Variants in CDH13 observed in about 807,000 individuals in gnomAD.
The protein encoded by CDH13 is cadherin-13.
A neutral mutation model predicts 63.8 loss-of-function variants in CDH13; 24 were observed. That is an observed-to-expected ratio of 0.38 (90% CI 0.27 to 0.53). CDH13 has a LOEUF of 0.53. CDH13 is among the 20% of genes least tolerant of loss of function. The pLI is 0.85. For synonymous variants in CDH13, 503 were observed against 355.3 expected, an observed-to-expected ratio of 1.42 and a Z score of -4.67; for missense variants, 1,049 against 903.1, an observed-to-expected ratio of 1.16 and a Z score of -2.07.
intron 1 of CDH13, among the ~76,000 whole-genome samples, chr16:82,715,972 T>C (rs1158508190): frequency 6.6e-6 from 1 of 152,228 alleles, no homozygotes; most frequent in African/African-American, 2.4e-5. Flanking sequence ...CATGTGTCAC[T>C]ACTGGGTGTT....
At position 83,125,349 on chromosome 16, in the gene CDH13, G is replaced by A. The variant is rs566530071; in HGVS notation, c.367-36G>A. On this transcript the variant is annotated intron_variant, in intron 3 of 13. Coordinates refer to ENST00000567109, the MANE Select transcript of CDH13 (RefSeq NM_001257.5). ...AGCAGACTGATACATCATTTCAATG[G>A]GAGATTTTAATCAATCCTTTTGTTT... is the stretch of plus-strand genomic sequence containing the variant. 3.2e-5 allele frequency: 36 copies of A among 1,119,330 alleles called. No homozygotes were observed. In the South Asian group the frequency reaches 4.0e-4, roughly 12 times the overall value. 69.3% of individuals were successfully genotyped at this position (1,119,330 alleles called of 1,614,324 possible). A position where few individuals can be genotyped will look rare whatever the true frequency, so the allele number is the denominator to read the frequency against.
At chr16:83,440,701 C>A (rs562695444) in intron 6 of CDH13, among the ~76,000 whole-genome samples, 3 of 149,386 alleles carry the variant, frequency 2.0e-5, no homozygotes, top group African/African-American at 7.3e-5. Context: ...AGGAGAATTG[C>A]TTGAACCTGG....
At chr16:83,462,184 G>T (rs12445788) in intron 6 of CDH13, among the ~76,000 whole-genome samples, 2 of 152,044 alleles carry the variant, frequency 1.3e-5, no homozygotes, top group Non-Finnish European at 2.9e-5. Context: ...GCAGCCATGA[G>T]CCCCTGCAGG....
intron 3 of CDH13, among the ~76,000 whole-genome samples, chr16:83,078,582 C>T (rs1311646321): frequency 6.6e-6 from 1 of 152,216 alleles, no homozygotes; most frequent in Non-Finnish European, 1.5e-5. Flanking sequence ...AGGTTCCTAA[C>T]AGGCCACAGA....
chr16:82,750,483 C>G (rs566673916), intron 1 of CDH13, among the ~76,000 whole-genome samples: 1 of 152,268 alleles, frequency 6.6e-6, no homozygotes, highest in Admixed American at 6.5e-5. Context: ...AATTCTTCCT[C>G]CCTTTGCCCA....
rs571942456 is a variant in CDH13 at position 83,005,211 on chromosome 16, A to C, written c.158-26799A>C. Among the ~76,000 whole-genome samples the C allele has an allele frequency of 3.0e-4, 46 of 152,216 alleles. 1 individual carries two copies. In the South Asian group the frequency reaches 8.9e-3, roughly 30 times the overall value. The stretch of plus-strand genomic sequence containing the variant: ...TGCCAGGGCTTTAACCGGTGGCTCT[A>C]CCCTTCACAGCTGGACATTGCTGGA... On this transcript the variant is annotated intron_variant, in intron 2 of 13. Transcript: ENST00000567109.
rs2151160007 is a variant in CDH13, at chr16:82,801,134, T to A, written c.46-57228T>A. 2.0e-5 allele frequency among the ~76,000 whole-genome samples: 3 copies of A among 152,260 alleles called. No homozygotes were observed. The South Asian group carries it at 6.2e-4, about 32-fold the overall frequency. On this transcript the variant is annotated intron_variant, in intron 1 of 13. Transcript: ENST00000567109. ...GTTTGTTCTTAAGAAACAGAAAGTG[T>A]CCAAATCCCACTTGGCTTCCTAACC...
chr16:83,054,367 C>G (rs2030703655), intron 3 of CDH13, among the ~76,000 whole-genome samples: 2 of 152,172 alleles, frequency 1.3e-5, no homozygotes, highest in South Asian at 4.1e-4. Flanking sequence ...CATCACTAAT[C>G]TTGAACTTTG....
chr16:83,573,479 T>A (rs1904830440), intron 7 of CDH13, among the ~76,000 whole-genome samples: 2 of 152,160 alleles, frequency 1.3e-5, no homozygotes, highest in Admixed American at 1.3e-4. Flanking sequence ...TTGTGACACA[T>A]GCTATCTCTT....
chr16:82,834,951 G>T (rs1330795901), intron 1 of CDH13, among the ~76,000 whole-genome samples: 1 of 152,050 alleles, frequency 6.6e-6, no homozygotes, highest in South Asian at 2.1e-4. Context: ...TTTACTACTG[G>T]CTCTTTAAGA....
At chr16:83,422,663 C>T (rs1353423504) in intron 6 of CDH13, among the ~76,000 whole-genome samples, 1 of 152,172 alleles carries the variant, frequency 6.6e-6, no homozygotes, top group East Asian at 1.9e-4. Flanking sequence ...CTAAAGTGAT[C>T]TGTGAATTAG....
chr16:83,198,515 C>G lies in CDH13; in HGVS notation c.484-18830C>G, dbSNP rs139541436. 8.8e-3 allele frequency among the ~76,000 whole-genome samples: 1,336 copies of G among 152,250 alleles called. 10 individuals are homozygous for G. Among genetic ancestry groups the G allele is most frequent in the Middle Eastern group, 0.048 (14 of 294 alleles). ...TGTGCTTTCTATTTATTATTCAGAT[C>G]TCCAGTCCAGTGTACAGACAGAAGG... On this transcript the variant is annotated intron_variant, in intron 4 of 13. Coordinates refer to ENST00000567109, the MANE Select transcript of CDH13 (RefSeq NM_001257.5).
At chr16:82,681,925 A>G (rs1477893427) in intron 1 of CDH13, among the ~76,000 whole-genome samples, 1 of 152,242 alleles carries the variant, frequency 6.6e-6, no homozygotes, top group South Asian at 2.1e-4. Context: ...TGCCTGCAGC[A>G]GTTCCCAGGC....
At chr16:82,713,041 G>C (rs1262005585) in intron 1 of CDH13, among the ~76,000 whole-genome samples, 1 of 99,934 alleles carries the variant, frequency 1.0e-5, no homozygotes, top group African/African-American at 3.0e-5. Flanking sequence ...ATAGAACCCC[G>C]GCGTGTGTGT....
intron 2 of CDH13, among the ~76,000 whole-genome samples, chr16:82,891,818 C>A (rs2041091471): frequency 6.6e-6 from 1 of 152,216 alleles, no homozygotes. Flanking sequence ...AGGCCCTTAT[C>A]ATGGGCTAGG....
intron 6 of CDH13, among the ~76,000 whole-genome samples, chr16:83,374,070 G>T (rs1362877099): frequency 6.6e-6 from 1 of 152,120 alleles, no homozygotes; most frequent in African/African-American, 2.4e-5. Context: ...CGTGCTAAAG[G>T]GTCACACTAA....
intron 10 of CDH13, among the ~76,000 whole-genome samples, chr16:83,722,771 G>T (rs756992295): frequency 2.0e-5 from 3 of 151,534 alleles, no homozygotes; most frequent in Middle Eastern, 3.4e-3. Flanking sequence ...AAACCAGGCT[G>T]GGGGGGTGGA....
intron 6 of CDH13, among the ~76,000 whole-genome samples, chr16:83,411,924 T>C (rs1295354119): frequency 6.6e-6 from 1 of 152,180 alleles, no homozygotes; most frequent in Non-Finnish European, 1.5e-5. Flanking sequence ...TGTAATTGCA[T>C]GATAAGCGCA....
intron 5 of CDH13, among the ~76,000 whole-genome samples, chr16:83,319,310 G>A (rs934374533): frequency 6.6e-6 from 1 of 152,040 alleles, no homozygotes; most frequent in Non-Finnish European, 1.5e-5. Context: ...CATTCCTTCC[G>A]AAGGCGTTTA....
Sources: allele counts gnomAD v4.1 joint callset (sites outside exome capture counted in the v4.1 genomes callset), GRCh38; gene constraint gnomAD v4.1.1; transcripts MANE v1.5; gene names NCBI Gene and HGNC (gene_info 2026-07-23, HGNC 2026-07-21).